Variants in OPA3 observed in about 807,000 individuals in gnomAD.
OPA3 encodes optic atrophy 3 protein.
In OPA3, 6 loss-of-function variants were observed where a neutral mutation model predicts 4.0. The ratio of observed to expected loss-of-function variants is 1.51; its 90% CI spans 0.83 to 2.99. OPA3 has a LOEUF of 2.99. Among genes scored for constraint, OPA3 ranks in the 30% most tolerant of loss-of-function variants. OPA3 has a pLI of 0.00. For missense variants in OPA3, 235 were observed against 256.2 expected (o/e 0.92, Z 0.56); for synonymous variants, 105 against 117.1 (o/e 0.90, Z 0.67).
At chr19:45,536,360 A>T (rs575817624) in intron 1 of OPA3, among the ~76,000 whole-genome samples, 28 of 152,220 alleles carry the variant, frequency 1.8e-4, no homozygotes, top group African/African-American at 5.1e-4. Flanking sequence ...CCTGGCCAAC[A>T]TGGCAAAACC....
chr19:45,584,296 C>T (rs948792264), intron 1 of OPA3: 3 of 975,536 alleles, frequency 3.1e-6, no homozygotes, highest in Non-Finnish European at 3.7e-6. Flanking sequence ...CCTCCCCTAG[C>T]TCCTCTATCC....
intron 1 of OPA3, among the ~76,000 whole-genome samples, chr19:45,576,716 G>C (rs1969774417): frequency 6.6e-6 from 1 of 152,058 alleles, no homozygotes; most frequent in Non-Finnish European, 1.5e-5. Context: ...TTCAAGGCCA[G>C]CGGGGCAGCA....
rs769185702 is a variant in OPA3, at chr19:45,551,651, A to C, written c.*1863T>G. 59 of 934,444 alleles carry C rather than the reference A, an allele frequency of 6.3e-5. No homozygotes were observed. The highest frequency in any genetic ancestry group is 6.2e-5 in the Admixed American group (1 of 16,176). 57.9% of individuals were successfully genotyped at this position (934,444 alleles called of 1,614,324 possible). On this transcript the variant is annotated 3_prime_UTR_variant, in exon 2 of 2. Transcript: ENST00000263275. ...CTGTTGGACTTAAGCCATCAAGTTC[A>C]CCACCCAATGGTGATCTGTTATGGC... is the stretch of plus-strand genomic sequence containing the variant.
intron 1 of OPA3, among the ~76,000 whole-genome samples, chr19:45,535,174 A>C (rs1969102381): frequency 6.6e-6 from 1 of 152,126 alleles, no homozygotes; most frequent in Admixed American, 6.6e-5. Context: ...TAAGAAATTT[A>C]TCTCAATAAT....
chr19:45,578,211 T>C (rs1336445859), intron 1 of OPA3, among the ~76,000 whole-genome samples: 1 of 152,202 alleles, frequency 6.6e-6, no homozygotes, highest in Non-Finnish European at 1.5e-5. Flanking sequence ...TAGATTGCCT[T>C]TGTAGGACTA....
At chr19:45,564,533 G>A (rs1969554321) in intron 1 of OPA3, among the ~76,000 whole-genome samples, 1 of 152,158 alleles carries the variant, frequency 6.6e-6, no homozygotes, top group Admixed American at 6.5e-5. Context: ...GACATCAAGA[G>A]CCCACTCAGC....
downstream of OPA3, among the ~76,000 whole-genome samples, chr19:45,544,970 G>A (rs1024331999): frequency 4.1e-5 from 6 of 146,636 alleles, no homozygotes; most frequent in Non-Finnish European, 9.0e-5. Context: ...GCAACAAGAG[G>A]AAAATTCCGT....
chr19:45,562,385 A>G (rs551740292), intron 1 of OPA3, among the ~76,000 whole-genome samples: 2 of 149,762 alleles, frequency 1.3e-5, no homozygotes, highest in South Asian at 4.2e-4. Context: ...GGAAAAAGAA[A>G]TTCCCTTATT....
At chr19:45,532,654 C>A (rs576262398) in intron 1 of OPA3, among the ~76,000 whole-genome samples, 1 of 152,260 alleles carries the variant, frequency 6.6e-6, no homozygotes, top group South Asian at 2.1e-4. Flanking sequence ...TTTTTTCCCC[C>A]TAATTTTCAG....
chr19:45,564,655 T>C (rs1239209881), intron 1 of OPA3, among the ~76,000 whole-genome samples: 1 of 152,116 alleles, frequency 6.6e-6, no homozygotes, highest in Non-Finnish European at 1.5e-5. Flanking sequence ...CATGAGGTGA[T>C]GACGATGGGA....
At chr19:45,530,526 T>C (rs1969048369) in intron 1 of OPA3, among the ~76,000 whole-genome samples, 1 of 151,180 alleles carries the variant, frequency 6.6e-6, no homozygotes, top group Non-Finnish European at 1.5e-5. Context: ...TTTTTTTTTA[T>C]TGAGACGGGG....
In OPA3 at chr19:45,551,746, G is replaced by A. The variant is rs1335114762; in HGVS notation, c.*1768C>T. The A allele has an allele frequency of 1.0e-6, 1 of 985,474 alleles. No homozygotes were observed. Among genetic ancestry groups the A allele is most frequent in the Non-Finnish European group, 1.2e-6 (1 of 830,052 alleles). 61.0% of individuals were successfully genotyped at this position (985,474 alleles called of 1,614,324 possible). A position where few individuals can be genotyped will look rare whatever the true frequency, so the allele number is the denominator to read the frequency against. On this transcript the variant is annotated 3_prime_UTR_variant, in exon 2 of 2. Coordinates refer to ENST00000263275, the MANE Select transcript of OPA3 (RefSeq NM_025136.4). ...AATTGGTAGGATGGGGGTGGGACCGGGGGCTATGGAGGCAGGAGGGTACTG... is the reference window on the plus strand; with the variant it reads ...AATTGGTAGGATGGGGGTGGGACCGAGGGCTATGGAGGCAGGAGGGTACTG...
chr19:45,574,136 G>C (rs976738045), intron 1 of OPA3, among the ~76,000 whole-genome samples: 1 of 151,908 alleles, frequency 6.6e-6, no homozygotes, highest in African/African-American at 2.4e-5. Context: ...GCTCACGCCT[G>C]TAATCCCAGC....
In OPA3 at chr19:45,530,746, A is replaced by G. The variant is rs533644404; in HGVS notation, c.143-1290T>C. On this transcript the variant is annotated intron_variant, in intron 1 of 1. Transcript: ENST00000323060. ...AGTGCTAGGATTACAAGCATGAGCC[A>G]CCATGCCCAGCCTTTATTTATTTAT... 1.4e-3 allele frequency among the ~76,000 whole-genome samples: 208 copies of G among 151,876 alleles called. 1 individual carries two copies. Among genetic ancestry groups the G allele is most frequent in the African/African-American group, 4.9e-3 (203 of 41,424 alleles).
chr19:45,559,268 G>A (rs1373547386), intron 1 of OPA3, among the ~76,000 whole-genome samples: 1 of 151,598 alleles, frequency 6.6e-6, no homozygotes, highest in African/African-American at 2.4e-5. Context: ...GTATTCTATT[G>A]GACTCATAAA....
At position 45,548,333 on chromosome 19, in the gene OPA3, T is replaced by C. The variant is rs558389168; in HGVS notation, c.*5181A>G. On this transcript the variant is annotated 3_prime_UTR_variant, in exon 2 of 2. Coordinates refer to ENST00000263275, the MANE Select transcript of OPA3 (RefSeq NM_025136.4). Reference sequence around the variant, plus strand: ...CCTCCCTCCAGGCAATGGCCTGCCCTACAGAGAAACCAACAAGAGGGACAG... The same window carrying C: ...CCTCCCTCCAGGCAATGGCCTGCCCCACAGAGAAACCAACAAGAGGGACAG... 14 of 985,460 alleles carry C rather than the reference T, an allele frequency of 1.4e-5. No homozygotes were observed. The East Asian group carries it at 1.6e-3, about 112-fold the overall frequency. 61.0% of individuals were successfully genotyped at this position (985,460 alleles called of 1,614,324 possible). A position where few individuals can be genotyped will look rare whatever the true frequency, so the allele number is the denominator to read the frequency against.
intron 1 of OPA3, among the ~76,000 whole-genome samples, chr19:45,570,675 A>G (rs973781988): frequency 2.6e-5 from 4 of 151,884 alleles, no homozygotes; most frequent in Non-Finnish European, 5.9e-5. Flanking sequence ...CGACAGAGTG[A>G]GACTCCATCT....
At chr19:45,553,952 C>T in intron 1 of OPA3, 41 bp from the exon 2 acceptor site, 4 of 1,525,064 alleles carry the variant, frequency 2.6e-6, no homozygotes, top group Non-Finnish European at 3.6e-6. Flanking sequence ...TCTGGGAGCC[C>T]CCTGCAAGCC....
intron 1 of OPA3, among the ~76,000 whole-genome samples, chr19:45,536,594 G>A (rs180858395): frequency 6.7e-6 from 1 of 150,018 alleles, no homozygotes; most frequent in East Asian, 1.9e-4. Context: ...GCCAAGAATA[G>A]TAATACTGAA....
Sources: gnomAD v4.1 joint callset for allele counts (sites outside exome capture counted in the v4.1 genomes callset) on GRCh38, gnomAD v4.1.1 for gene constraint, MANE v1.5 for transcripts, NCBI Gene and HGNC (gene_info 2026-07-23, HGNC 2026-07-21) for gene names.